The following ENTREP2 variants were observed in gnomAD, a reference collection of about 807,000 sequenced individuals.
ENTREP2 encodes protein ENTREP2.
chr15:29,280,302 C>T, the ENTREP2 span, among the ~76,000 whole-genome samples: 1 of 152,162 alleles, frequency 6.6e-6, no homozygotes, highest in African/African-American at 2.4e-5. Flanking sequence ...CCCCCAGAAA[C>T]CTAATGTGAA....
chr15:29,447,995 C>T, the ENTREP2 span, among the ~76,000 whole-genome samples: 8 of 151,836 alleles, frequency 5.3e-5, no homozygotes, highest in East Asian at 1.9e-4. Context: ...GAACCCGGGA[C>T]GTGGAGGCTG....
the ENTREP2 span, among the ~76,000 whole-genome samples, chr15:29,656,619 T>C: frequency 6.6e-6 from 1 of 152,200 alleles, no homozygotes; most frequent in East Asian, 1.9e-4. Context: ...TTACCATTAT[T>C]TGCCAGGGAA....
the ENTREP2 span, among the ~76,000 whole-genome samples, chr15:29,320,199 C>T: frequency 3.3e-5 from 5 of 152,158 alleles, no homozygotes; most frequent in African/African-American, 7.2e-5. Context: ...GAGTAAAACA[C>T]ACCACACACA....
chr15:29,171,260 T>C, the ENTREP2 span, among the ~76,000 whole-genome samples: 9 of 152,198 alleles, frequency 5.9e-5, no homozygotes, highest in African/African-American at 2.2e-4. Context: ...ACAGTGGGCT[T>C]TTCTATCTTC....
At chr15:29,131,554 G>A in the ENTREP2 span, among the ~76,000 whole-genome samples, 3 of 120,728 alleles carry the variant, frequency 2.5e-5, no homozygotes, top group East Asian at 3.1e-4. Context: ...CCTGCCATGC[G>A]CCTTAGCTGG....
the ENTREP2 span, among the ~76,000 whole-genome samples, chr15:29,601,869 T>C: frequency 1.3e-5 from 2 of 152,182 alleles, no homozygotes; most frequent in Non-Finnish European, 2.9e-5. Context: ...TTGAAAGAAC[T>C]TGCTGCGATT....
At chr15:29,332,805 C>G in the ENTREP2 span, among the ~76,000 whole-genome samples, 3 of 151,748 alleles carry the variant, frequency 2.0e-5, no homozygotes, top group Admixed American at 6.6e-5. Flanking sequence ...AGTAAAAATA[C>G]AAAATTAGCT....
chr15:29,629,485 G>A, the ENTREP2 span, among the ~76,000 whole-genome samples: 1 of 151,978 alleles, frequency 6.6e-6, no homozygotes, highest in Non-Finnish European at 1.5e-5. Flanking sequence ...CTTAGTGTTT[G>A]CTCTAGGTAT....
the ENTREP2 span, among the ~76,000 whole-genome samples, chr15:29,554,974 AATTAC>A: frequency 6.6e-6 from 1 of 152,164 alleles, no homozygotes; most frequent in East Asian, 1.9e-4. Flanking sequence ...TTATTAAATA[AATTAC>A]ATTATAGTCA....
chr15:29,275,583 C>A, the ENTREP2 span, among the ~76,000 whole-genome samples: 1 of 152,322 alleles, frequency 6.6e-6, no homozygotes, highest in Non-Finnish European at 1.5e-5. Context: ...GAGGCAAAAG[C>A]TAAGCTAGCT....
the ENTREP2 span, among the ~76,000 whole-genome samples, chr15:29,413,916 T>C: frequency 1.3e-5 from 2 of 152,092 alleles, no homozygotes; most frequent in Non-Finnish European, 2.9e-5. Context: ...CATTACATAA[T>C]GGTAAAGGGA....
At chr15:29,235,234 CA>C in the ENTREP2 span, 1 of 537,672 alleles carries the variant, frequency 1.9e-6, no homozygotes, top group Non-Finnish European at 3.4e-6. Context: ...CATTATAGAA[CA>C]TTTAAAAAAA....
At chr15:29,439,721 G>A in the ENTREP2 span, among the ~76,000 whole-genome samples, 13 of 152,118 alleles carry the variant, frequency 8.5e-5, no homozygotes, top group African/African-American at 1.4e-4. Flanking sequence ...TTTAACTCAC[G>A]TCCACTAATT....
the ENTREP2 span, among the ~76,000 whole-genome samples, chr15:29,128,338 A>G: frequency 3.3e-5 from 5 of 152,106 alleles, no homozygotes; most frequent in South Asian, 8.3e-4. Context: ...CGTGTCCTTC[A>G]ATGCCCTCAA....
At chr15:29,453,329 G>A in the ENTREP2 span, among the ~76,000 whole-genome samples, 2 of 152,256 alleles carry the variant, frequency 1.3e-5, no homozygotes, top group East Asian at 1.9e-4. Context: ...CGGAGGGGAG[G>A]AGGACTGTGC....
At chr15:29,654,260 C>T in the ENTREP2 span, among the ~76,000 whole-genome samples, 2 of 152,092 alleles carry the variant, frequency 1.3e-5, no homozygotes, top group African/African-American at 2.4e-5. Flanking sequence ...CAAACTTTCG[C>T]ATTCATATCA....
At chr15:29,667,621 G>T in the ENTREP2 span, among the ~76,000 whole-genome samples, 1 of 150,170 alleles carries the variant, frequency 6.7e-6, no homozygotes, top group African/African-American at 2.5e-5. Context: ...AGCCTCCCAA[G>T]TAGCTGGGAT....
At chr15:29,220,185 G>T in the ENTREP2 span, among the ~76,000 whole-genome samples, 5 of 152,132 alleles carry the variant, frequency 3.3e-5, no homozygotes, top group Non-Finnish European at 7.3e-5. Flanking sequence ...TGGCTCAGGG[G>T]TCTGCGTGGG....
chr15:29,514,332 T>C, the ENTREP2 span, among the ~76,000 whole-genome samples: 1 of 152,208 alleles, frequency 6.6e-6, no homozygotes, highest in African/African-American at 2.4e-5. Flanking sequence ...GGCTGGCTTA[T>C]TTCACTTAGC....
Sources: allele counts gnomAD v4.1 joint callset (sites outside exome capture counted in the v4.1 genomes callset), GRCh38; gene constraint gnomAD v4.1.1; transcripts MANE v1.5; gene names NCBI Gene and HGNC (gene_info 2026-07-23, HGNC 2026-07-21).